The following ST8SIA1 variants were observed in gnomAD, a reference collection of about 807,000 sequenced individuals.
The protein encoded by ST8SIA1 is alpha-N-acetylneuraminide alpha-2,8-sialyltransferase.
ST8SIA1 carries 16 observed loss-of-function variants against 35.9 expected under a neutral mutation model. That is an observed-to-expected ratio of 0.45 (90% CI 0.30 to 0.68). ST8SIA1 has a LOEUF of 0.68. ST8SIA1 is among the 30% of genes least tolerant of loss of function. ST8SIA1 has a pLI of 0.09. For missense variants in ST8SIA1, 383 were observed against 453.6 expected, an observed-to-expected ratio of 0.84 and a Z score of 1.41; for synonymous variants, 170 against 169.6, an observed-to-expected ratio of 1.00 and a Z score of -0.02.
At chr12:22,329,973 C>T (rs1866738587) in intron 1 of ST8SIA1, among the ~76,000 whole-genome samples, 1 of 152,176 alleles carries the variant, frequency 6.6e-6, no homozygotes, top group Non-Finnish European at 1.5e-5. Context: ...ATGAGCCATA[C>T]CTTAAATACA....
rs1866112045 is a variant in ST8SIA1, at chr12:22,287,280, C to T, written c.250G>A (p.Asp84Asn). The T allele has an allele frequency of 1.9e-6, 3 of 1,612,304 alleles. No homozygotes were observed. Among genetic ancestry groups the T allele is most frequent in the East Asian group, 4.5e-5 (2 of 44,864 alleles). ...AARAFRKQME[D>N]CCDPAHLFAM... ...AAGAGATGGGCAGGGTCGCAGCAGT[C>T]TTCCATTTGTTTCCTAGGAGAGAAA... The change falls in exon 2 of 5, where the codon GAC becomes AAC. Residue 84 changes from aspartate (D) to asparagine (N), a missense_variant. Asp to Asn is a conservative substitution (Grantham distance 23). Transcript: ENST00000396037.
At chr12:22,286,686 C>T (rs1042318075) in intron 2 of ST8SIA1, among the ~76,000 whole-genome samples, 6 of 152,186 alleles carry the variant, frequency 3.9e-5, no homozygotes, top group Non-Finnish European at 5.9e-5. Flanking sequence ...CTCTCCATAT[C>T]CACCACTCCT....
chr12:22,255,168 G>A lies in ST8SIA1; in HGVS notation c.491+112C>T, dbSNP rs1025744288. The A allele has an allele frequency of 1.1e-5, 9 of 832,404 alleles. No homozygotes were observed. In the African/African-American group the frequency reaches 1.2e-4, roughly 11 times the overall value. The allele number at this position is 832,404 out of a possible 1,614,324, so 51.6% of individuals were successfully genotyped here. Reference sequence around the variant, plus strand: ...TGAGCTGGAAGTGAAGCTAAGGAGCGTGCTACAACTGATTCATCACAAGTG... The same window carrying A: ...TGAGCTGGAAGTGAAGCTAAGGAGCATGCTACAACTGATTCATCACAAGTG... On this transcript the variant is annotated intron_variant, in intron 3 of 4. Coordinates refer to ENST00000396037, the MANE Select transcript of ST8SIA1 (RefSeq NM_003034.4).
At chr12:22,304,701 A>C (rs68076910) in intron 1 of ST8SIA1, among the ~76,000 whole-genome samples, 16,964 of 152,178 alleles carry the variant, frequency 0.11, 1,222 homozygotes, top group Middle Eastern at 0.24. Flanking sequence ...GTTTAAAAAA[A>C]CCTTTTTTAA....
chr12:22,324,392 T>C (rs1448162133), intron 1 of ST8SIA1: 2 of 152,172 alleles, frequency 1.3e-5, no homozygotes, highest in African/African-American at 4.8e-5. Flanking sequence ...GATCACCACA[T>C]CTTTATTCAT....
chr12:22,252,724 A>ATT (rs1865687881), intron 3 of ST8SIA1, among the ~76,000 whole-genome samples: 1 of 152,190 alleles, frequency 6.6e-6, no homozygotes, highest in Non-Finnish European at 1.5e-5. Flanking sequence ...AGGCTAAAAA[A>ATT]GTCTTGTTTA....
chr12:22,320,925 GGAAGAAAGAAA>G (rs1866579569), intron 1 of ST8SIA1, among the ~76,000 whole-genome samples: 1 of 55,330 alleles, frequency 1.8e-5, no homozygotes, highest in Admixed American at 2.5e-4. Flanking sequence ...AGGAAAGAAA[GGAAGAAAGAAA>G]GAAAGAAAGA....
Position 22,201,688 on chromosome 12 carries a change from T to C in ST8SIA1, c.935A>G (p.Tyr312Cys). Reference protein sequence around the residue: ...MHEQPISHHYYDNVLPFSGFH... With the variant: ...MHEQPISHHYCDNVLPFSGFH... ...GCCAGAAAAGGGTAAGACGTTGTCA[T>C]AGTAGTGGTGGCTGATGGGCTGCTC... The change falls in exon 5 of 5, where the codon TAT (tyrosine) becomes TGT (cysteine). Residue 312 changes from tyrosine to cysteine, a missense_variant. Tyr to Cys is a radical substitution (Grantham distance 194). Coordinates refer to ENST00000396037, the MANE Select transcript of ST8SIA1 (RefSeq NM_003034.4). 6.2e-7 allele frequency: 1 copy of C among 1,614,106 alleles called. No individual in the cohort carries two copies. The highest frequency in any genetic ancestry group is 8.5e-7 in the Non-Finnish European group (1 of 1,179,986).
intron 1 of ST8SIA1, among the ~76,000 whole-genome samples, chr12:22,314,446 C>T (rs569025184): frequency 6.6e-6 from 1 of 152,122 alleles, no homozygotes; most frequent in South Asian, 2.1e-4. Context: ...CAATTCAGTG[C>T]ATAACTGATA....
chr12:22,247,468 TGTAA>T (rs1251887112), intron 4 of ST8SIA1, among the ~76,000 whole-genome samples: 1 of 150,262 alleles, frequency 6.7e-6, no homozygotes, highest in African/African-American at 2.5e-5. Context: ...AAAAATTTCT[TGTAA>T]GTGTTCTCTT....
intron 2 of ST8SIA1, among the ~76,000 whole-genome samples, chr12:22,262,578 C>G (rs1022957244): frequency 6.6e-6 from 1 of 152,164 alleles, no homozygotes; most frequent in African/African-American, 2.4e-5. Flanking sequence ...ATGAGTTAAC[C>G]ACCATAAATC....
At position 22,334,225 on chromosome 12, in the gene ST8SIA1, G is replaced by A. The variant is rs770055402; in HGVS notation, c.8C>T (p.Pro3Leu). 2.4e-5 allele frequency: 39 copies of A among 1,611,310 alleles called. No homozygotes were observed. The highest frequency in any genetic ancestry group is 2.5e-6 in the Non-Finnish European group (3 of 1,178,938). The change falls in exon 1 of 5, where the codon CCC (proline) becomes CTC (leucine). Residue 3 changes from proline (P) to leucine (L), a missense_variant. Pro to Leu is a moderately conservative substitution (Grantham distance 98). Transcript: ENST00000396037. Reference protein sequence around the residue: MSPCGRARRQTSR... With the variant: MSLCGRARRQTSR... ...CGTTTGTCGCCGGGCCCGCCCGCAGGGGCTCATCGCAGCCCCGGCGTCCCA... is the reference window on the plus strand; with the variant it reads ...CGTTTGTCGCCGGGCCCGCCCGCAGAGGCTCATCGCAGCCCCGGCGTCCCA...
chr12:22,281,933 A>T (rs12819073), intron 2 of ST8SIA1, among the ~76,000 whole-genome samples: 1 of 151,956 alleles, frequency 6.6e-6, no homozygotes, highest in African/African-American at 2.4e-5. Context: ...ACTTGAGCCC[A>T]GAAGGTGGAG....
chr12:22,263,624 G>T (rs1414313314), intron 2 of ST8SIA1, among the ~76,000 whole-genome samples: 1 of 152,208 alleles, frequency 6.6e-6, no homozygotes, highest in Non-Finnish European at 1.5e-5. Flanking sequence ...TGTTTTGGTT[G>T]TTGGTGGCAA....
chr12:22,211,471 A>G (rs1865175513), intron 4 of ST8SIA1, among the ~76,000 whole-genome samples: 1 of 152,224 alleles, frequency 6.6e-6, no homozygotes, highest in Non-Finnish European at 1.5e-5. Flanking sequence ...GCTAATCATT[A>G]GCATACAAAA....
intron 4 of ST8SIA1, among the ~76,000 whole-genome samples, chr12:22,204,916 A>G (rs1865089619): frequency 6.6e-6 from 1 of 152,210 alleles, no homozygotes; most frequent in East Asian, 1.9e-4. Context: ...CTGGAATTAG[A>G]AAAGAGTGGT....
chr12:22,328,689 G>C (rs1866714369), intron 1 of ST8SIA1, among the ~76,000 whole-genome samples: 1 of 152,186 alleles, frequency 6.6e-6, no homozygotes, highest in South Asian at 2.1e-4. Context: ...GAGAGGAGGA[G>C]TTCTAAGCAC....
Position 22,271,357 on chromosome 12 carries a change from C to T in ST8SIA1, c.381+15792G>A, listed in dbSNP as rs897658227. 3.9e-5 allele frequency among the ~76,000 whole-genome samples: 6 copies of T among 152,144 alleles called. No individual in the cohort carries two copies. The East Asian group carries it at 5.8e-4, about 15-fold the overall frequency. On this transcript the variant is annotated intron_variant, in intron 2 of 4. Coordinates refer to ENST00000396037, the MANE Select transcript of ST8SIA1 (RefSeq NM_003034.4). ...AGGAAAACTTCACAGACAGATGGAA[C>T]GATAGCATATATAAACTCTATATGA...
chr12:22,204,148 G>A (rs930237255), intron 4 of ST8SIA1, among the ~76,000 whole-genome samples: 4 of 150,682 alleles, frequency 2.7e-5, no homozygotes, highest in Non-Finnish European at 5.9e-5. Flanking sequence ...ATATCCTAAA[G>A]AACTCATGTT....
Sources: gnomAD v4.1 joint callset for allele counts (sites outside exome capture counted in the v4.1 genomes callset) on GRCh38, gnomAD v4.1.1 for gene constraint, MANE v1.5 for transcripts, NCBI Gene and HGNC (gene_info 2026-07-23, HGNC 2026-07-21) for gene names.